PLXNA4: variants seen among roughly 807,000 people sequenced by gnomAD.
PLXNA4 encodes plexin-A4.
Under a neutral mutation model 191.8 loss-of-function variants are expected in PLXNA4, and 44 were observed. That is an observed-to-expected ratio of 0.23 (90% CI 0.18 to 0.29). The LOEUF is 0.29. Ranked by LOEUF, PLXNA4 falls within the 10% of genes least tolerant of loss-of-function variation. The pLI, the probability that PLXNA4 is intolerant of heterozygous loss-of-function variation, is 1.00. For missense variants in PLXNA4, 1,800 were observed against 2,488.8 expected (o/e 0.72, Z 5.89); for synonymous variants, 1,082 against 1,009.5 (o/e 1.07, Z -1.36).
chr7:132,563,281 C>T (rs375357405), intron 1 of PLXNA4, among the ~76,000 whole-genome samples: 2 of 126,618 alleles, frequency 1.6e-5, no homozygotes, highest in Non-Finnish European at 3.4e-5. Context: ...CCTCCTCCTC[C>T]TTCTCCTCCT....
chr7:132,229,618 A>G (rs1398788904), intron 5 of PLXNA4, among the ~76,000 whole-genome samples: 1 of 152,192 alleles, frequency 6.6e-6, no homozygotes, highest in Non-Finnish European at 1.5e-5. Context: ...TCTTTTGATT[A>G]AAGAGAAAAG....
chr7:132,163,292 G>A (rs1161634977), intron 24 of PLXNA4, among the ~76,000 whole-genome samples: 6 of 152,206 alleles, frequency 3.9e-5, no homozygotes, highest in South Asian at 4.1e-4. Flanking sequence ...CGGGGCCTGC[G>A]TGACCAAGCA....
intron 3 of PLXNA4, among the ~76,000 whole-genome samples, chr7:132,322,183 G>GTTTTTTTTTTTTTTTTTTTTTTTT (rs1802193748): frequency 1.2e-5 from 1 of 81,800 alleles, no homozygotes; most frequent in Non-Finnish European, 2.3e-5. Context: ...CCCTAAAAGG[G>GTTTTTTTTTTTTTTTTTTTTTTTT]CTTTTTTTTT....
intron 1 of PLXNA4, among the ~76,000 whole-genome samples, chr7:132,515,636 C>T (rs561353716): frequency 6.6e-6 from 1 of 152,306 alleles, no homozygotes; most frequent in African/African-American, 2.4e-5. Context: ...AACGTGTGTG[C>T]ACGTGTATGT....
At position 132,507,711 on chromosome 7, in the gene PLXNA4, A is replaced by G. The variant is rs767320667; in HGVS notation, c.983T>C (p.Val328Ala). Reference sequence around the variant, plus strand: ...GAAGAGCAGGTCATCATCTGGATGGACTCCAAGGGTCCTGCCAAGCACGGC... The same window carrying G: ...GAAGAGCAGGTCATCATCTGGATGGGCTCCAAGGGTCCTGCCAAGCACGGC... The part of the protein sequence containing the change: ...AGAVLGRTLG[V>A]HPDDDLLFTV... The change falls in exon 2 of 32, where the codon GTC (valine) becomes GCC (alanine). Residue 328 changes from valine to alanine, a missense_variant. By Grantham distance (64) the Val-to-Ala change is moderately conservative. Coordinates refer to ENST00000321063, the MANE Select transcript of PLXNA4 (RefSeq NM_020911.2). The G allele has an allele frequency of 1.2e-6, 2 of 1,614,064 alleles. No homozygotes were observed. Among genetic ancestry groups the G allele is most frequent in the Non-Finnish European group, 1.7e-6 (2 of 1,180,012 alleles).
intron 3 of PLXNA4, among the ~76,000 whole-genome samples, chr7:132,424,727 AC>A (rs1183847594): frequency 1.3e-5 from 2 of 152,194 alleles, no homozygotes; most frequent in African/African-American, 4.8e-5. Flanking sequence ...TATCCCAGTT[AC>A]CCAGATCTGA....
At chr7:132,276,796 A>AT (rs1169107458) in intron 4 of PLXNA4, among the ~76,000 whole-genome samples, 3 of 152,114 alleles carry the variant, frequency 2.0e-5, no homozygotes, top group East Asian at 3.9e-4. Flanking sequence ...AGCCAGGTAG[A>AT]TTTTCTGAAC....
At chr7:132,241,421 C>A (rs1798874202) in intron 4 of PLXNA4, among the ~76,000 whole-genome samples, 1 of 152,174 alleles carries the variant, frequency 6.6e-6, no homozygotes, top group South Asian at 2.1e-4. Context: ...ACAGTCCATA[C>A]TAAGTTGTCA....
At chr7:132,491,592 C>T (rs545762716) in intron 2 of PLXNA4, among the ~76,000 whole-genome samples, 17 of 152,056 alleles carry the variant, frequency 1.1e-4, no homozygotes, top group African/African-American at 3.9e-4. Flanking sequence ...GTGGCCTGGT[C>T]CACCAGCCCA....
intron 4 of PLXNA4, among the ~76,000 whole-genome samples, chr7:132,282,629 A>AAAAAAAC (rs1800525199): frequency 1.9e-5 from 1 of 53,430 alleles, no homozygotes; most frequent in Non-Finnish European, 3.7e-5. Flanking sequence ...AAAAAAAAAA[A>AAAAAAAC]AAAAAAAAAA....
At chr7:132,399,945 C>T (rs1234237264) in intron 3 of PLXNA4, among the ~76,000 whole-genome samples, 1 of 152,096 alleles carries the variant, frequency 6.6e-6, no homozygotes, top group Non-Finnish European at 1.5e-5. Flanking sequence ...AGAATACTTT[C>T]ATGGGCATGA....
chr7:132,618,840 A>T (rs182574299), intron 2 of PLXNA4, among the ~76,000 whole-genome samples: 1 of 152,354 alleles, frequency 6.6e-6, no homozygotes, highest in Admixed American at 6.5e-5. Context: ...ATTCCTGTCC[A>T]AAAAGATTAC....
At chr7:132,301,215 T>C (rs191557860) in intron 3 of PLXNA4, among the ~76,000 whole-genome samples, 7 of 152,330 alleles carry the variant, frequency 4.6e-5, no homozygotes, top group South Asian at 2.1e-4. Context: ...TTTATTCATC[T>C]GTTGAAAAAA....
intron 21 of PLXNA4, among the ~76,000 whole-genome samples, chr7:132,172,500 A>T (rs1404708308): frequency 6.6e-6 from 1 of 152,172 alleles, no homozygotes; most frequent in South Asian, 2.1e-4. Context: ...GGGCTGGGAA[A>T]CACTGGTTTG....
chr7:132,580,541 T>C (rs140361059), upstream of PLXNA4, among the ~76,000 whole-genome samples: 1 of 152,356 alleles, frequency 6.6e-6, no homozygotes, highest in East Asian at 1.9e-4. Context: ...GAGTCCTGTT[T>C]TCTAAAGAAG....
intron 2 of PLXNA4, among the ~76,000 whole-genome samples, chr7:132,621,199 C>A (rs1657985778): frequency 1.3e-5 from 2 of 151,302 alleles, no homozygotes. Flanking sequence ...TACCTAGTCC[C>A]TAACTGCTGG....
At chr7:132,384,745 TACACACACACACACACACACACACAC>T (rs10535106) in intron 3 of PLXNA4, 16 of 995,154 alleles carry the variant, frequency 1.6e-5, no homozygotes, top group South Asian at 4.0e-5. Flanking sequence ...CAGATAAGCA[TACACACACACACACACACACACACAC>T]ACACACACAC....
chr7:132,451,269 A>C (rs1169633223), intron 3 of PLXNA4, among the ~76,000 whole-genome samples: 1 of 152,162 alleles, frequency 6.6e-6, no homozygotes, highest in Non-Finnish European at 1.5e-5. Flanking sequence ...GTTATATTCC[A>C]GTCCTTCTGG....
intron 3 of PLXNA4, among the ~76,000 whole-genome samples, chr7:132,331,912 C>G (rs998671223): frequency 6.6e-6 from 1 of 152,070 alleles, no homozygotes; most frequent in Admixed American, 6.5e-5. Flanking sequence ...GTGGAAGGGG[C>G]CCTTGAGTGT....
Sources: allele counts gnomAD v4.1 joint callset (sites outside exome capture counted in the v4.1 genomes callset), GRCh38; gene constraint gnomAD v4.1.1; transcripts MANE v1.5; gene names NCBI Gene and HGNC (gene_info 2026-07-23, HGNC 2026-07-21).